Variants in DDX10 observed in about 807,000 individuals in gnomAD.
DDX10 encodes DEAD-box helicase 10.
A neutral mutation model predicts 104.3 loss-of-function variants in DDX10; 74 were observed. That is an observed-to-expected ratio of 0.71 (90% CI 0.59 to 0.86). DDX10 has a LOEUF of 0.86. DDX10 is among the 40% of genes least tolerant of loss of function. The pLI is 0.00. For missense variants in DDX10, 952 were observed against 1,040.0 expected, an observed-to-expected ratio of 0.92 and a Z score of 1.16; for synonymous variants, 351 against 353.4, an observed-to-expected ratio of 0.99 and a Z score of 0.08.
chr11:108,740,928 T>C (rs976380214), intron 13 of DDX10, among the ~76,000 whole-genome samples: 2 of 152,194 alleles, frequency 1.3e-5, no homozygotes, highest in South Asian at 2.1e-4. Flanking sequence ...AGGGTTTTTA[T>C]AGTTTCAGGT....
intron 16 of DDX10, among the ~76,000 whole-genome samples, chr11:108,858,476 G>A (rs1414816442): frequency 6.6e-6 from 1 of 152,116 alleles, no homozygotes; most frequent in Non-Finnish European, 1.5e-5. Flanking sequence ...GATCCTTGAG[G>A]TCTAGCACCG....
intron 13 of DDX10, among the ~76,000 whole-genome samples, chr11:108,761,810 G>A (rs903439630): frequency 6.6e-6 from 1 of 152,078 alleles, no homozygotes; most frequent in African/African-American, 2.4e-5. Flanking sequence ...GAGCTGTACT[G>A]TATACTCAAT....
At chr11:108,751,604 G>T (rs921449252) in intron 13 of DDX10, among the ~76,000 whole-genome samples, 1 of 152,190 alleles carries the variant, frequency 6.6e-6, no homozygotes, top group East Asian at 1.9e-4. Context: ...TTATCAGACT[G>T]CCGAAGGGGG....
At chr11:108,858,027 G>C (rs1227899133) in intron 16 of DDX10, among the ~76,000 whole-genome samples, 2 of 152,168 alleles carry the variant, frequency 1.3e-5, no homozygotes, top group African/African-American at 2.4e-5. Flanking sequence ...TGGAATCCCA[G>C]CAGCTTAATT....
chr11:108,674,590 A>G (rs538197604), intron 2 of DDX10, among the ~76,000 whole-genome samples: 369 of 151,544 alleles, frequency 2.4e-3, no homozygotes, highest in African/African-American at 8.4e-3. Flanking sequence ...AGCTCACTGC[A>G]TCCTCAGCCT....
At position 108,723,376 on chromosome 11, in the gene DDX10, G is replaced by A. The variant is rs1354678501; in HGVS notation, c.1879G>A (p.Asp627Asn). Residue 627 changes from aspartate to asparagine, a missense_variant, in exon 13 of 18, where the codon GAT becomes AAT. By Grantham distance (23) the Asp-to-Asn change is conservative. This residue lies in a region of DDX10 where 533 missense variants were observed against 534.1 expected (regional missense o/e 1.00). Coordinates refer to ENST00000322536, the MANE Select transcript of DDX10 (RefSeq NM_004398.4). ...KEVPTQFLDR[D>N]EEEEDADFLK... is the part of the protein sequence containing the mutation. ...AGTTCCTACACAGTTCTTGGACAGAGATGAGGAGGAAGAAGATGCTGATTT... is the reference window on the plus strand; with the variant it reads ...AGTTCCTACACAGTTCTTGGACAGAAATGAGGAGGAAGAAGATGCTGATTT... 6.2e-7 allele frequency: 1 copy of A among 1,613,902 alleles called. No homozygotes were observed. Among genetic ancestry groups the A allele is most frequent in the Non-Finnish European group, 8.5e-7 (1 of 1,179,926 alleles).
At chr11:108,845,163 G>A (rs1565296528) in intron 15 of DDX10, among the ~76,000 whole-genome samples, 1 of 152,130 alleles carries the variant, frequency 6.6e-6, no homozygotes, top group Non-Finnish European at 1.5e-5. Context: ...AGCCGAGATC[G>A]CGCCACTGTA....
chr11:108,791,220 G>A (rs950943080), intron 13 of DDX10, among the ~76,000 whole-genome samples: 4 of 152,222 alleles, frequency 2.6e-5, no homozygotes, highest in Admixed American at 6.5e-5. Context: ...ACCTTAGCCT[G>A]TAGCCTTTGC....
At chr11:108,778,374 C>T (rs1291568614) in intron 13 of DDX10, among the ~76,000 whole-genome samples, 1 of 152,200 alleles carries the variant, frequency 6.6e-6, no homozygotes, top group Non-Finnish European at 1.5e-5. Flanking sequence ...GAACAGAGCC[C>T]TTGGAAATAA....
chr11:108,702,497 G>A (rs2094269898), intron 9 of DDX10, among the ~76,000 whole-genome samples: 1 of 152,196 alleles, frequency 6.6e-6, no homozygotes, highest in Admixed American at 6.5e-5. Context: ...AAGTTTAAGG[G>A]ACAATTAAAG....
intron 16 of DDX10, among the ~76,000 whole-genome samples, chr11:108,856,359 A>C (rs1862869443): frequency 6.6e-6 from 1 of 152,042 alleles, no homozygotes; most frequent in South Asian, 2.1e-4. Context: ...TTAACCTGGG[A>C]GGTGGAGGCT....
intron 13 of DDX10, among the ~76,000 whole-genome samples, chr11:108,826,500 T>G (rs1412871104): frequency 6.6e-6 from 1 of 152,194 alleles, no homozygotes; most frequent in Non-Finnish European, 1.5e-5. Context: ...TGGACCTCAG[T>G]TACCAGAGCC....
At chr11:108,900,798 A>G (rs1863507402) in intron 16 of DDX10, among the ~76,000 whole-genome samples, 1 of 152,114 alleles carries the variant, frequency 6.6e-6, no homozygotes, top group African/African-American at 2.4e-5. Context: ...CTGCTTCCCA[A>G]GCTGTATCCT....
chr11:108,823,353 T>C (rs1019955132), intron 13 of DDX10, among the ~76,000 whole-genome samples: 1 of 152,198 alleles, frequency 6.6e-6, no homozygotes, highest in Admixed American at 6.5e-5. Flanking sequence ...GTAGCTTGGT[T>C]GTGGTAGTGA....
At chr11:108,890,023 T>C (rs980013651) in intron 16 of DDX10, among the ~76,000 whole-genome samples, 3 of 152,200 alleles carry the variant, frequency 2.0e-5, no homozygotes, top group East Asian at 3.8e-4. Flanking sequence ...TAGAACTTGA[T>C]ATAGGACCAG....
chr11:108,901,144 C>T (rs1863512067), intron 16 of DDX10, among the ~76,000 whole-genome samples: 1 of 152,146 alleles, frequency 6.6e-6, no homozygotes, highest in South Asian at 2.1e-4. Flanking sequence ...CTGCCTCCTT[C>T]GTTTTAGAAT....
At chr11:108,705,771 T>C (rs1428187343) in intron 9 of DDX10, among the ~76,000 whole-genome samples, 1 of 152,210 alleles carries the variant, frequency 6.6e-6, no homozygotes, top group African/African-American at 2.4e-5. Context: ...GTTCTCTGTT[T>C]TACTGCTTGT....
At chr11:108,889,765 C>A (rs1863350090) in intron 16 of DDX10, among the ~76,000 whole-genome samples, 1 of 152,144 alleles carries the variant, frequency 6.6e-6, no homozygotes, top group Admixed American at 6.6e-5. Flanking sequence ...TTTTAGAAGA[C>A]AGAGCCAAGA....
At chr11:108,763,405 A>G (rs1450964228) in intron 13 of DDX10, among the ~76,000 whole-genome samples, 1 of 152,230 alleles carries the variant, frequency 6.6e-6, no homozygotes, top group Non-Finnish European at 1.5e-5. Context: ...TCCAAAAGGT[A>G]TTCTATTACT....
Sources: allele counts gnomAD v4.1 joint callset (sites outside exome capture counted in the v4.1 genomes callset), GRCh38; gene constraint gnomAD v4.1.1; regional missense constraint gnomAD v4.1.1; transcripts MANE v1.5; gene names NCBI Gene and HGNC (gene_info 2026-07-23, HGNC 2026-07-21).